The following NEDD9 variants were observed in gnomAD, a reference collection of about 807,000 sequenced individuals.
NEDD9 encodes enhancer of filamentation 1.
Under a neutral mutation model 76.6 loss-of-function variants are expected in NEDD9, and 26 were observed. That is an observed-to-expected ratio of 0.34 (90% CI 0.25 to 0.47). The LOEUF is 0.47. Among genes scored for constraint, NEDD9 ranks in the 20% least tolerant of loss-of-function variants. NEDD9 has a pLI of 1.00. For synonymous variants in NEDD9, 392 were observed against 414.2 expected, an observed-to-expected ratio of 0.95 and a Z score of 0.65; for missense variants, 937 against 1,058.5, an observed-to-expected ratio of 0.89 and a Z score of 1.59.
In NEDD9 at chr6:11,213,203, G is replaced by T; in HGVS notation, c.459+78C>A. 1 of 1,320,804 alleles carries T rather than the reference G, an allele frequency of 7.6e-7. No individual in the cohort carries two copies. The allele number at this position is 1,320,804 out of a possible 1,614,324, so 81.8% of individuals were successfully genotyped here. A position where few individuals can be genotyped will look rare whatever the true frequency, so the allele number is the denominator to read the frequency against. On this transcript the variant is annotated intron_variant, in intron 2 of 6. Coordinates refer to ENST00000379446, the MANE Select transcript of NEDD9 (RefSeq NM_006403.4). This position sits in a 1 kb window ranked among gnomAD's most constrained non-coding sequence, Gnocchi z 5.4. ...TTGGCAGCTTCAAGTTATTAATTTG[G>T]GAACATTTCCAAATGCTCCAAGTGT...
intron 2 of NEDD9, among the ~76,000 whole-genome samples, chr6:11,332,972 T>C (rs1762077424): frequency 6.7e-6 from 1 of 149,656 alleles, no homozygotes; most frequent in South Asian, 2.1e-4. Context: ...TCCCACGGTT[T>C]CCCATAAGCC....
intron 2 of NEDD9, among the ~76,000 whole-genome samples, chr6:11,205,975 GAC>G (rs1758598890): frequency 6.6e-6 from 1 of 152,216 alleles, no homozygotes; most frequent in African/African-American, 2.4e-5. Flanking sequence ...GAGTGGCACT[GAC>G]ACACTTTAAA....
intron 1 of NEDD9, among the ~76,000 whole-genome samples, chr6:11,365,520 G>C (rs1435806550): frequency 2.0e-5 from 3 of 152,170 alleles, no homozygotes; most frequent in African/African-American, 7.2e-5. Flanking sequence ...AAGAAATATA[G>C]ATTAAAAGGT....
At chr6:11,292,262 T>A (rs1349947877) in intron 3 of NEDD9, among the ~76,000 whole-genome samples, 1 of 152,120 alleles carries the variant, frequency 6.6e-6, no homozygotes, top group Non-Finnish European at 1.5e-5. Context: ...AAGAAAAGCG[T>A]CTGGTAGGCA....
intron 1 of NEDD9, among the ~76,000 whole-genome samples, chr6:11,377,236 A>G (rs1762982825): frequency 6.6e-6 from 1 of 152,216 alleles, no homozygotes; most frequent in South Asian, 2.1e-4. Context: ...TACCTAGTGG[A>G]GCTGCGGAAA....
chr6:11,240,007 G>A (rs957763177), intron 3 of NEDD9, among the ~76,000 whole-genome samples: 3 of 144,718 alleles, frequency 2.1e-5, no homozygotes, highest in African/African-American at 7.8e-5. Context: ...TCGAGCCACT[G>A]CACTCCAGCC....
chr6:11,185,272 G>A lies in NEDD9; in HGVS notation c.2395C>T (p.Leu799Phe). 1.1e-5 allele frequency: 18 copies of A among 1,614,162 alleles called. No individual in the cohort carries two copies. Among genetic ancestry groups the A allele is most frequent in the Non-Finnish European group, 1.5e-5 (18 of 1,180,034 alleles). ...AGGGCCGTGGTGCTGGGGTAATGGA[G>A]GGCGGCCATCTTGGTTGCCATGACT... ...TIVMATKMAALHYPSTTALQE... is the reference protein window; with the variant it reads ...TIVMATKMAAFHYPSTTALQE... The change falls in exon 7 of 7, where the codon CTC becomes TTC. Residue 799 changes from leucine to phenylalanine, a missense_variant. Coordinates refer to ENST00000379446, the MANE Select transcript of NEDD9 (RefSeq NM_006403.4).
At chr6:11,233,029 T>C (rs1759528228), upstream of NEDD9, among the ~76,000 whole-genome samples, 1 of 152,170 alleles carries the variant, frequency 6.6e-6, no homozygotes, top group Non-Finnish European at 1.5e-5. Context: ...AACTCCTTCA[T>C]AAACCCATTT....
intron 2 of NEDD9, among the ~76,000 whole-genome samples, chr6:11,307,900 C>T (rs888808256): frequency 3.9e-5 from 6 of 152,082 alleles, no homozygotes; most frequent in African/African-American, 1.4e-4. Context: ...TTTTGGGCTT[C>T]TGGCTGTCCT....
chr6:11,357,314 C>T (rs1762596319), intron 1 of NEDD9, among the ~76,000 whole-genome samples: 1 of 152,166 alleles, frequency 6.6e-6, no homozygotes, highest in Non-Finnish European at 1.5e-5. Flanking sequence ...CATCCTTTGG[C>T]TTGTTTTTCT....
intron 1 of NEDD9, among the ~76,000 whole-genome samples, chr6:11,359,896 T>A (rs536992722): frequency 9.2e-5 from 14 of 152,192 alleles, no homozygotes; most frequent in Non-Finnish European, 1.9e-4. Context: ...ACAAACCACA[T>A]CTTGAAGTGG....
intron 3 of NEDD9, 128 bp from the exon 4 acceptor site, chr6:11,192,574 C>T: frequency 3.3e-6 from 2 of 604,546 alleles, no homozygotes; most frequent in Non-Finnish European, 5.7e-6. Context: ...GGCAGTGCTC[C>T]ATGTTATAAC....
intron 1 of NEDD9, among the ~76,000 whole-genome samples, chr6:11,356,323 A>G (rs1762574729): frequency 6.6e-6 from 1 of 152,192 alleles, no homozygotes. Flanking sequence ...CCACACCTGG[A>G]TATTTCTACT....
At chr6:11,359,968 TC>T (rs1325467579) in intron 1 of NEDD9, among the ~76,000 whole-genome samples, 1 of 152,250 alleles carries the variant, frequency 6.6e-6, no homozygotes, top group Non-Finnish European at 1.5e-5. Context: ...TTCTGAAATT[TC>T]TGCCTATATC....
At chr6:11,355,643 C>T (rs1762550800) in intron 1 of NEDD9, among the ~76,000 whole-genome samples, 3 of 151,858 alleles carry the variant, frequency 2.0e-5, no homozygotes, top group Admixed American at 6.6e-5. Flanking sequence ...ATGAATGGGG[C>T]GTATGTGGCA....
chr6:11,213,688 A>ACTCTGGGAC lies in NEDD9; in HGVS notation c.43_51dup (p.Val15_Glu17dup). The ACTCTGGGAC allele has an allele frequency of 6.2e-7, 1 of 1,614,016 alleles. No individual in the cohort carries two copies. Among genetic ancestry groups the ACTCTGGGAC allele is most frequent in the East Asian group, 2.2e-5 (1 of 44,876 alleles). On this transcript the variant is annotated inframe_insertion, in exon 2 of 7. Transcript: ENST00000379446. This position sits in a 1 kb window ranked among gnomAD's most constrained non-coding sequence, Gnocchi z 5.4. The stretch of plus-strand genomic sequence containing the variant: ...TTGCGAAAGGCCAGTTCCTCGGCAC[A>ACTCTGGGAC]CTCTGGGACATTGTCATATAAGGCC...
intron 1 of NEDD9, among the ~76,000 whole-genome samples, chr6:11,348,215 G>A (rs1762399357): frequency 6.6e-6 from 1 of 152,110 alleles, no homozygotes; most frequent in Non-Finnish European, 1.5e-5. Context: ...CTAGGAAACA[G>A]CTAACCACGG....
chr6:11,371,708 C>T (rs1218624361), intron 1 of NEDD9, among the ~76,000 whole-genome samples: 1 of 152,100 alleles, frequency 6.6e-6, no homozygotes, highest in African/African-American at 2.4e-5. Flanking sequence ...AGAAGAATTC[C>T]CCTCTTTGAG....
At chr6:11,216,445 A>G (rs1758957828) in intron 1 of NEDD9, among the ~76,000 whole-genome samples, 1 of 152,218 alleles carries the variant, frequency 6.6e-6, no homozygotes, top group South Asian at 2.1e-4. Context: ...TTTGAAGTTT[A>G]TCATTTGCCC....
Sources: gnomAD v4.1 joint callset for allele counts (sites outside exome capture counted in the v4.1 genomes callset) on GRCh38, gnomAD v4.1.1 for gene constraint, Gnocchi (gnomAD v3.1) non-coding constraint, MANE v1.5 for transcripts, NCBI Gene and HGNC (gene_info 2026-07-23, HGNC 2026-07-21) for gene names.